Variants in RBFOX1 observed in about 807,000 individuals in gnomAD.
RBFOX1 encodes the protein RNA binding protein fox-1 homolog 1.
RBFOX1 carries 8 observed loss-of-function variants against 57.7 expected under a neutral mutation model. That is an observed-to-expected ratio of 0.14 (90% CI 0.08 to 0.25). The LOEUF (loss-of-function observed/expected upper bound fraction) is 0.25. Ranked by LOEUF, RBFOX1 falls within the 10% of genes least tolerant of loss-of-function variation. The pLI, the probability that RBFOX1 is intolerant of heterozygous loss-of-function variation, is 1.00. For synonymous variants in RBFOX1, 326 were observed against 222.4 expected, an observed-to-expected ratio of 1.47 and a Z score of -4.15; for missense variants, 611 against 548.5, an observed-to-expected ratio of 1.11 and a Z score of -1.14.
intron 3 of RBFOX1, among the ~76,000 whole-genome samples, chr16:5,762,638 A>G (rs2053630760): frequency 6.6e-6 from 1 of 152,242 alleles, no homozygotes; most frequent in African/African-American, 2.4e-5. Context: ...TAAATGAAGA[A>G]GTAAGTGGTA....
At chr16:7,436,853 G>T (rs1045823873) in intron 4 of RBFOX1, among the ~76,000 whole-genome samples, 1 of 152,164 alleles carries the variant, frequency 6.6e-6, no homozygotes, top group Non-Finnish European at 1.5e-5. Context: ...TCCTAAGTTA[G>T]GAGTTTGAGA....
intron 5 of RBFOX1, among the ~76,000 whole-genome samples, chr16:7,539,529 T>C (rs758614048): frequency 6.6e-5 from 10 of 152,186 alleles, no homozygotes; most frequent in Non-Finnish European, 1.3e-4. Context: ...AAGCAACAGA[T>C]AATGTGTTTC....
intron 9 of RBFOX1, among the ~76,000 whole-genome samples, chr16:7,604,362 C>T (rs1185693897): frequency 6.6e-6 from 1 of 152,166 alleles, no homozygotes; most frequent in Non-Finnish European, 1.5e-5. Context: ...CCCATGATGA[C>T]CCAAGCATTT....
rs925949988 is a variant in RBFOX1, at chr16:6,350,901, A to G, written c.-64+33844A>G. On this transcript the variant is annotated intron_variant, in intron 2 of 15. Transcript: ENST00000550418. Reference sequence around the variant, plus strand: ...TGGAGGCCTAGGTTTCTATGAGGGCACTCTTCTGCCTCCCTTAGTGGTGGA... The same window carrying G: ...TGGAGGCCTAGGTTTCTATGAGGGCGCTCTTCTGCCTCCCTTAGTGGTGGA... Among the ~76,000 whole-genome samples, 13 of 152,244 alleles carry G rather than the reference A, an allele frequency of 8.5e-5. No individual in the cohort carries two copies. The East Asian group carries it at 2.5e-3, about 29-fold the overall frequency.
chr16:7,014,878 C>T (rs988919042), intron 3 of RBFOX1, among the ~76,000 whole-genome samples: 1 of 152,012 alleles, frequency 6.6e-6, no homozygotes, highest in Non-Finnish European at 1.5e-5. Flanking sequence ...GCATGTGCCA[C>T]CACACCCGGC....
At chr16:5,279,784 G>A (rs551632746) in intron 1 of RBFOX1, among the ~76,000 whole-genome samples, 2 of 152,198 alleles carry the variant, frequency 1.3e-5, no homozygotes, top group Non-Finnish European at 2.9e-5. Flanking sequence ...TTACAGGCAT[G>A]AGCCACCTTG....
intron 1 of RBFOX1, among the ~76,000 whole-genome samples, chr16:6,157,689 T>G (rs147221967): frequency 6.6e-6 from 1 of 152,232 alleles, no homozygotes; most frequent in East Asian, 1.9e-4. Flanking sequence ...TATGCCCATA[T>G]ATAAAATGCA....
intron 4 of RBFOX1, among the ~76,000 whole-genome samples, chr16:7,290,795 C>T (rs538958648): frequency 1.8e-4 from 28 of 152,318 alleles, no homozygotes; most frequent in African/African-American, 6.3e-4. Context: ...TCACCATTAA[C>T]ACTCGCTGTA....
intron 2 of RBFOX1, among the ~76,000 whole-genome samples, chr16:6,653,483 AT>A (rs1030291146): frequency 1.3e-5 from 2 of 152,128 alleles, no homozygotes; most frequent in Non-Finnish European, 2.9e-5. Flanking sequence ...TGTGTCTGTC[AT>A]TTTGTCTAAT....
chr16:7,705,833 G>T (rs1231478058), intron 14 of RBFOX1, among the ~76,000 whole-genome samples: 1 of 152,162 alleles, frequency 6.6e-6, no homozygotes, highest in African/African-American at 2.4e-5. Flanking sequence ...TCATGTGCAT[G>T]GAGTAAAGTG....
intron 4 of RBFOX1, among the ~76,000 whole-genome samples, chr16:6,008,306 G>A (rs1011682153): frequency 6.6e-6 from 1 of 151,266 alleles, no homozygotes; most frequent in African/African-American, 2.4e-5. Context: ...GGAGTGTGGT[G>A]TTCCTGAAGC....
chr16:6,868,492 G>C (rs890716321), intron 3 of RBFOX1, among the ~76,000 whole-genome samples: 3 of 148,100 alleles, frequency 2.0e-5, no homozygotes, highest in African/African-American at 7.5e-5. Context: ...ATTTTTTTTT[G>C]AGACAGTCTC....
At chr16:5,831,018 C>G (rs972304054) in intron 3 of RBFOX1, among the ~76,000 whole-genome samples, 1 of 152,164 alleles carries the variant, frequency 6.6e-6, no homozygotes, top group Non-Finnish European at 1.5e-5. Context: ...GTAAATTAAC[C>G]TTGCTAATGC....
chr16:6,238,850 C>T (rs921578951), intron 1 of RBFOX1, among the ~76,000 whole-genome samples: 20 of 152,090 alleles, frequency 1.3e-4, no homozygotes, highest in African/African-American at 3.6e-4. Flanking sequence ...AATTTTATCA[C>T]GGAGAATGTG....
chr16:7,269,386 C>T (rs13338877), intron 4 of RBFOX1, among the ~76,000 whole-genome samples: 1 of 151,942 alleles, frequency 6.6e-6, no homozygotes, highest in Non-Finnish European at 1.5e-5. Flanking sequence ...CTCATCACCC[C>T]CAAATAATCA....
chr16:5,542,726 C>T (rs958102915), intron 2 of RBFOX1, among the ~76,000 whole-genome samples: 4 of 152,120 alleles, frequency 2.6e-5, no homozygotes, highest in African/African-American at 4.8e-5. Flanking sequence ...ATACTAATTT[C>T]TTGAGTTTTC....
chr16:7,349,388 C>T (rs2097085418), intron 4 of RBFOX1, among the ~76,000 whole-genome samples: 1 of 152,192 alleles, frequency 6.6e-6, no homozygotes, highest in South Asian at 2.1e-4. Context: ...AAATCCTCCT[C>T]CTAATTCCCC....
intron 3 of RBFOX1, among the ~76,000 whole-genome samples, chr16:6,981,095 T>C (rs527450754): frequency 2.6e-4 from 39 of 149,694 alleles, no homozygotes; most frequent in Admixed American, 8.0e-4. Context: ...ATCCAGTACT[T>C]TTCCAATTAA....
At chr16:5,651,666 G>T (rs2049245584) in intron 3 of RBFOX1, among the ~76,000 whole-genome samples, 1 of 152,100 alleles carries the variant, frequency 6.6e-6, no homozygotes, top group South Asian at 2.1e-4. Context: ...GCCCATCTGT[G>T]AGTGAGCCGT....
Sources: allele counts gnomAD v4.1 joint callset (sites outside exome capture counted in the v4.1 genomes callset), GRCh38; gene constraint gnomAD v4.1.1; transcripts MANE v1.5; gene names NCBI Gene and HGNC (gene_info 2026-07-23, HGNC 2026-07-21).